Variants in HERC1 observed in about 807,000 individuals in gnomAD.
The protein encoded by HERC1 is HECT and RLD domain containing E3 ubiquitin protein ligase family member 1.
A neutral mutation model predicts 554.3 loss-of-function variants in HERC1; 160 were observed. The ratio of observed to expected loss-of-function variants is 0.29; its 90% CI spans 0.25 to 0.33. The LOEUF (loss-of-function observed/expected upper bound fraction) is 0.33. Among genes scored for constraint, HERC1 ranks in the 10% least tolerant of loss-of-function variants. The pLI is 1.00. For synonymous variants in HERC1, 2,175 were observed against 2,131.7 expected (o/e 1.02, Z -0.56); for missense variants, 4,919 against 5,918.5 (o/e 0.83, Z 5.54).
At position 63,674,565 on chromosome 15, in the gene HERC1, A is replaced by G. The variant is rs745309053; in HGVS notation, c.7623T>C (p.Asn2541=). The part of the protein sequence containing the change: ...LLLIPKVLAE[N]GHNSDCASSP... ...AACTTGCACAGTCTGAGTTGTGGCC[A>G]TTTTCAGCCAGAACTTTTGGTATCA... Residue 2541 remains asparagine (N), a synonymous_variant, in exon 38 of 78, where the codon AAT becomes AAC. Transcript: ENST00000443617. The G allele has an allele frequency of 1.2e-6, 2 of 1,612,464 alleles. No homozygotes were observed. Among genetic ancestry groups the G allele is most frequent in the Non-Finnish European group, 1.7e-6 (2 of 1,179,128 alleles).
intron 7 of HERC1, 22 bp from the exon 8 acceptor site, chr15:63,753,107 A>C (rs1312819685): frequency 1.3e-6 from 2 of 1,544,988 alleles, no homozygotes; most frequent in Non-Finnish European, 1.8e-6. Context: ...AACACATTAA[A>C]CAATTTACTT....
At chr15:63,753,974 G>A (rs1567089672) in intron 7 of HERC1, among the ~76,000 whole-genome samples, 1 of 152,060 alleles carries the variant, frequency 6.6e-6, no homozygotes, top group Non-Finnish European at 1.5e-5. Context: ...AGAAGTTCGA[G>A]GCCAGCCTGG....
At chr15:63,638,983 C>T (rs1291179713) in intron 61 of HERC1, among the ~76,000 whole-genome samples, 1 of 152,194 alleles carries the variant, frequency 6.6e-6, no homozygotes, top group Non-Finnish European at 1.5e-5. Context: ...CTTTCACTAT[C>T]ACTATCACTA....
chr15:63,756,702 G>A lies in HERC1; in HGVS notation c.1268C>T (p.Ser423Phe). 6.2e-7 allele frequency: 1 copy of A among 1,612,522 alleles called. No individual in the cohort carries two copies. The highest frequency in any genetic ancestry group is 1.1e-5 in the South Asian group (1 of 90,908). ...YCTFVISTDG[S>F]VRACGKGSYG... ...GCTGCCTTTCCCGCAAGCTCTAACA[G>A]AGCCATCCGTAGAAATGACAAAAGT... The change falls in exon 5 of 78, where the codon TCT becomes TTT. Residue 423 changes from serine to phenylalanine, a missense_variant. Physicochemically the swap from Ser to Phe is radical, Grantham distance 155. Around this residue, in one of 11 missense-constraint regions of HERC1, gnomAD observed 744 missense variants for 1,090.0 expected, o/e 0.68. Coordinates refer to ENST00000443617, the MANE Select transcript of HERC1 (RefSeq NM_003922.4). The surrounding 1 kb of genome is among the most constrained non-coding windows in gnomAD (Gnocchi z 5.0).
intron 4 of HERC1, among the ~76,000 whole-genome samples, chr15:63,757,455 C>T (rs545203384): frequency 5.3e-5 from 8 of 151,762 alleles, no homozygotes; most frequent in East Asian, 3.9e-4. Context: ...TTAGTAGAGA[C>T]GGGGTTTCAC....
chr15:63,663,279 C>A (rs2070447691), intron 43 of HERC1, 75 bp from the exon 44 acceptor site: 3 of 1,239,650 alleles, frequency 2.4e-6, no homozygotes, highest in Non-Finnish European at 1.2e-6. Context: ...TTCTTAACTG[C>A]CATACATGTA....
chr15:63,710,423 A>G (rs2073234767), intron 24 of HERC1, among the ~76,000 whole-genome samples: 1 of 152,222 alleles, frequency 6.6e-6, no homozygotes, highest in Non-Finnish European at 1.5e-5. Context: ...TGCATGTGGA[A>G]ATTTTGCCAA....
At chr15:63,656,590 AC>A (rs1435733599) in intron 48 of HERC1, among the ~76,000 whole-genome samples, 2 of 152,226 alleles carry the variant, frequency 1.3e-5, no homozygotes, top group African/African-American at 4.8e-5. Context: ...AATTGAACTG[AC>A]AAAGTAAAAC....
At chr15:63,711,756 C>T (rs748129391) in intron 24 of HERC1, among the ~76,000 whole-genome samples, 4 of 152,158 alleles carry the variant, frequency 2.6e-5, no homozygotes, top group Non-Finnish European at 4.4e-5. Flanking sequence ...AAGATCCCAC[C>T]GCTCTTTAAC....
At position 63,794,491 on chromosome 15, in the gene HERC1, TA is replaced by T. The variant is rs527867976; in HGVS notation, c.-26-18843del. On this transcript the variant is annotated intron_variant, in intron 1 of 77. Transcript: ENST00000443617. ...GATGGGGCTGAAAGTACTAACCCTC[TA>T]ATCATGGCTCAGTCTTTCCAGTGAC... Among the ~76,000 whole-genome samples, 46 of 152,120 alleles carry T rather than the reference TA, an allele frequency of 3.0e-4. 1 individual carries two copies. Among genetic ancestry groups the T allele is most frequent in the Non-Finnish European group, 5.6e-4 (38 of 68,006 alleles).
intron 1 of HERC1, among the ~76,000 whole-genome samples, chr15:63,782,532 CT>C (rs2076317410): frequency 6.6e-6 from 1 of 152,216 alleles, no homozygotes; most frequent in Admixed American, 6.5e-5. Context: ...CACCTAGTCA[CT>C]CAAGAGCTCT....
At position 63,720,000 on chromosome 15, in the gene HERC1, T is replaced by C. The variant is rs79088625; in HGVS notation, c.3743-1103A>G. On this transcript the variant is annotated intron_variant, in intron 19 of 77. Transcript: ENST00000443617. ...GTGAATACAAGTACATTTAAGTGGG[T>C]AAGAAATGAAACAACATTTCTTAAA... Among the ~76,000 whole-genome samples, 15 of 151,684 alleles carry C rather than the reference T, an allele frequency of 9.9e-5. No homozygotes were observed. The East Asian group carries it at 2.9e-3, about 29-fold the overall frequency.
intron 1 of HERC1, among the ~76,000 whole-genome samples, chr15:63,806,583 T>C (rs2077146747): frequency 6.6e-6 from 1 of 152,202 alleles, no homozygotes; most frequent in South Asian, 2.1e-4. Flanking sequence ...CTTTTGTCCC[T>C]TTCAGCCACT....
intron 2 of HERC1, among the ~76,000 whole-genome samples, chr15:63,769,065 T>C (rs1168729943): frequency 6.6e-6 from 1 of 152,166 alleles, no homozygotes; most frequent in Non-Finnish European, 1.5e-5. Context: ...AAAAAGTCAG[T>C]ATTTAAGGAT....
intron 31 of HERC1, 92 bp from the exon 32 acceptor site, chr15:63,690,739 A>T (rs1378675014): frequency 8.0e-6 from 6 of 751,788 alleles, no homozygotes; most frequent in Non-Finnish European, 1.4e-5. Flanking sequence ...AGGCTGCTAA[A>T]CATTTATGGG....
chr15:63,744,952 C>G (rs2075001747), intron 12 of HERC1, among the ~76,000 whole-genome samples: 1 of 152,150 alleles, frequency 6.6e-6, no homozygotes, highest in African/African-American at 2.4e-5. Context: ...CCCATGGGCT[C>G]TTCGGTTAGC....
Position 63,623,882 on chromosome 15 carries a change from T to A in HERC1, c.13454A>T (p.Lys4485Met), listed in dbSNP as rs1166819540. The A allele has an allele frequency of 6.2e-7, 1 of 1,613,728 alleles. No individual in the cohort carries two copies. Reference protein sequence around the residue: ...TVKRISTRGRKCKPIFVQIAR... With the variant: ...TVKRISTRGRMCKPIFVQIAR... ...TATTTGGACAAAAATAGGCTTACAC[T>A]TCCGTCCTCTTTAAAAGAAAGGGAG... Residue 4485 changes from lysine (K) to methionine (M), a missense_variant, in exon 73 of 78, where the codon AAG becomes ATG. This residue lies in a region of HERC1 where 410 missense variants were observed against 467.0 expected (regional missense o/e 0.88). Coordinates refer to ENST00000443617, the MANE Select transcript of HERC1 (RefSeq NM_003922.4).
intron 57 of HERC1, among the ~76,000 whole-genome samples, chr15:63,643,805 C>T (rs1428995013): frequency 2.6e-5 from 4 of 152,142 alleles, no homozygotes; most frequent in African/African-American, 4.8e-5. Context: ...ACAGAAATAA[C>T]ATCTCAAAGT....
intron 7 of HERC1, among the ~76,000 whole-genome samples, chr15:63,753,905 G>A (rs2075332791): frequency 6.6e-6 from 1 of 152,176 alleles, no homozygotes. Context: ...CGGGCACGGA[G>A]GTTCATGCCT....
Sources: gnomAD v4.1 joint callset for allele counts (sites outside exome capture counted in the v4.1 genomes callset) on GRCh38, gnomAD v4.1.1 for gene constraint, gnomAD v4.1.1 regional missense constraint, Gnocchi (gnomAD v3.1) non-coding constraint, MANE v1.5 for transcripts, NCBI Gene and HGNC (gene_info 2026-07-23, HGNC 2026-07-21) for gene names.